PRSS55: variants seen among roughly 807,000 people sequenced by gnomAD.
PRSS55 encodes serine protease 55, also known as probable serine protease UNQ9391/PRO34284.
Under a neutral mutation model 23.6 loss-of-function variants are expected in PRSS55, and 41 were observed. The observed-to-expected ratio is 1.74, with a 90% CI of 1.35 to 2.26. PRSS55 has a LOEUF of 2.26. Ranked by LOEUF, PRSS55 falls within the 30% of genes most tolerant of loss-of-function variation. The pLI, the probability that PRSS55 is intolerant of heterozygous loss-of-function variation, is 0.00. For missense variants in PRSS55, 669 were observed against 439.1 expected, an observed-to-expected ratio of 1.52 and a Z score of -4.68; for synonymous variants, 262 against 175.5, an observed-to-expected ratio of 1.49 and a Z score of -3.90.
intron 2 of PRSS55, among the ~76,000 whole-genome samples, chr8:10,529,979 G>A (rs367643886): frequency 8.5e-5 from 13 of 152,322 alleles, no homozygotes; most frequent in African/African-American, 2.2e-4. Context: ...GGAGCCAAGC[G>A]GCTTGGTCCA....
At position 10,550,268 on chromosome 8, in the gene PRSS55, T is replaced by C. The variant is rs377101700; in HGVS notation, c.742-3675T>C. Among the ~76,000 whole-genome samples the C allele has an allele frequency of 9.6e-4, 146 of 152,236 alleles. 2 individuals carry two copies. The South Asian group carries it at 0.03, about 31-fold the overall frequency. On this transcript the variant is annotated intron_variant, in intron 4 of 4. Transcript: ENST00000522210. ...CAAGTCATCACTATCCACAGAGAATTACCTAGGGAGCCCCATAACACAGAA... is the reference window on the plus strand; with the variant it reads ...CAAGTCATCACTATCCACAGAGAATCACCTAGGGAGCCCCATAACACAGAA...
At chr8:10,538,958 C>A, downstream of PRSS55, 1 of 590,692 alleles carries the variant, frequency 1.7e-6, no homozygotes, top group Non-Finnish European at 2.8e-6. Flanking sequence ...CACTTTGGGT[C>A]TGTGGATTAG....
intron 4 of PRSS55, among the ~76,000 whole-genome samples, chr8:10,534,218 T>A (rs1369661994): frequency 1.3e-5 from 2 of 152,154 alleles, no homozygotes; most frequent in Non-Finnish European, 2.9e-5. Context: ...TCCCACTAAG[T>A]ACAACTAAAA....
At chr8:10,552,578 T>G (rs1812974087) in intron 4 of PRSS55, among the ~76,000 whole-genome samples, 1 of 152,110 alleles carries the variant, frequency 6.6e-6, no homozygotes, top group African/African-American at 2.4e-5. Context: ...AACTCAGTAG[T>G]AAGAAAACAA....
chr8:10,530,149 CTA>C (rs2117018130), intron 2 of PRSS55, among the ~76,000 whole-genome samples: 1 of 152,374 alleles, frequency 6.6e-6, no homozygotes, highest in Non-Finnish European at 1.5e-5. Flanking sequence ...CAAGGACTAA[CTA>C]TGTGCTGGGG....
intron 4 of PRSS55, among the ~76,000 whole-genome samples, chr8:10,534,309 G>A (rs1189155372): frequency 6.6e-6 from 1 of 152,156 alleles, no homozygotes; most frequent in African/African-American, 2.4e-5. Flanking sequence ...AGATCCTCAG[G>A]TATTTCTTTA....
chr8:10,542,419 G>GGGGAAGGA (rs60800512), downstream of PRSS55, among the ~76,000 whole-genome samples: 1 of 133,504 alleles, frequency 7.5e-6, no homozygotes, highest in African/African-American at 3.1e-5. Context: ...CCATGCGGGG[G>GGGGAAGGA]AAAAAAAAAA....
intron 4 of PRSS55, among the ~76,000 whole-genome samples, chr8:10,534,011 G>A (rs570092037): frequency 1.3e-5 from 2 of 152,284 alleles, no homozygotes; most frequent in African/African-American, 4.8e-5. Context: ...AGTAGACCCT[G>A]GCAGCATAGC....
intron 4 of PRSS55, among the ~76,000 whole-genome samples, chr8:10,535,613 C>T (rs1812427589): frequency 6.6e-6 from 1 of 152,138 alleles, no homozygotes; most frequent in Non-Finnish European, 1.5e-5. Flanking sequence ...ACTGTGAAAA[C>T]ACTAAAAGAA....
intron 4 of PRSS55, chr8:10,545,080 T>C (rs1812783210): frequency 1.1e-6 from 1 of 902,518 alleles, no homozygotes; most frequent in East Asian, 1.2e-4. Context: ...CCAGGGCTTT[T>C]GGTTTTTGGT....
intron 2 of PRSS55, among the ~76,000 whole-genome samples, chr8:10,530,256 T>A (rs968632986): frequency 6.6e-6 from 1 of 152,078 alleles, no homozygotes; most frequent in African/African-American, 2.4e-5. Context: ...GATCAGGAGT[T>A]CGGTGGTCAG....
At chr8:10,553,772 G>A (rs938988113) in intron 4 of PRSS55, among the ~76,000 whole-genome samples, 2 of 152,192 alleles carry the variant, frequency 1.3e-5, no homozygotes, top group Non-Finnish European at 2.9e-5. Context: ...ATTGCTAAGA[G>A]AAGAGATCTT....
In PRSS55 at chr8:10,536,242, C is replaced by G. The variant is rs1044419574; in HGVS notation, c.742-2234C>G. On this transcript the variant is annotated intron_variant, in intron 4 of 4. Coordinates refer to ENST00000328655, the MANE Select transcript of PRSS55 (RefSeq NM_198464.4). ...CAAAAGAAGACATACATGCAGCCAA[C>G]AAGCATATGAAAAAAAAATAAAGCT... is the stretch of plus-strand genomic sequence containing the variant. Among the ~76,000 whole-genome samples the G allele has an allele frequency of 4.0e-5, 6 of 151,612 alleles. No individual in the cohort carries two copies. In the South Asian group the frequency reaches 1.3e-3, roughly 32 times the overall value.
At chr8:10,545,288 C>T (rs933327375) in intron 4 of PRSS55, 1 of 151,478 alleles carries the variant, frequency 6.6e-6, no homozygotes, top group Non-Finnish European at 1.5e-5. Context: ...GCCTCAACCT[C>T]CCAGGCTCAA....
Position 10,525,699 on chromosome 8 carries a change from C to T in PRSS55, c.114C>T (p.Ala38=). The T allele has an allele frequency of 6.2e-7, 1 of 1,613,514 alleles. No individual in the cohort carries two copies. The change falls in exon 1 of 5, where the codon GCC becomes GCT. Residue 38 remains alanine (A), a synonymous_variant. Coordinates refer to ENST00000328655, the MANE Select transcript of PRSS55 (RefSeq NM_198464.4). The stretch of plus-strand genomic sequence containing the variant: ...CTATCCTAGGCAGGGCTAGGGGAGC[C>T]CACCGCCCTCAGCCCCCTCATCCCC... ...GVAILGRARG[A]HRPQPPHPPS... is the part of the protein sequence containing the mutation.
intron 4 of PRSS55, among the ~76,000 whole-genome samples, chr8:10,548,131 C>A (rs908673342): frequency 3.9e-5 from 6 of 152,176 alleles, no homozygotes; most frequent in Non-Finnish European, 8.8e-5. Flanking sequence ...CAGAGCTTTG[C>A]AGAATGAACA....
chr8:10,539,297 G>A (rs961150837), downstream of PRSS55, among the ~76,000 whole-genome samples: 2 of 152,182 alleles, frequency 1.3e-5, no homozygotes, highest in Admixed American at 6.5e-5. Flanking sequence ...GCAATCTGTT[G>A]ATTCAAAAGT....
chr8:10,542,734 G>T (rs987819644), downstream of PRSS55, among the ~76,000 whole-genome samples: 3 of 151,966 alleles, frequency 2.0e-5, no homozygotes, highest in Admixed American at 1.3e-4. Context: ...TTAGCTGGGT[G>T]TGGTGGCGGG....
intron 4 of PRSS55, among the ~76,000 whole-genome samples, chr8:10,533,773 G>A (rs900368105): frequency 1.3e-5 from 2 of 152,162 alleles, no homozygotes; most frequent in African/African-American, 4.8e-5. Context: ...GCCAGGCAGT[G>A]GACCTTGTCG....
Sources: allele counts gnomAD v4.1 joint callset (sites outside exome capture counted in the v4.1 genomes callset), GRCh38; gene constraint gnomAD v4.1.1; transcripts MANE v1.5; gene names NCBI Gene and HGNC (gene_info 2026-07-23, HGNC 2026-07-21).